Variants in SLCO1B1 observed in about 807,000 individuals in gnomAD.
SLCO1B1 encodes OATP-2.
SLCO1B1 carries 81 observed loss-of-function variants against 70.1 expected under a neutral mutation model. That is an observed-to-expected ratio of 1.16 (90% CI 0.97 to 1.39). SLCO1B1 has a LOEUF of 1.39. Ranked by LOEUF, SLCO1B1 falls within the 40% of genes most tolerant of loss-of-function variation. The pLI is 0.00. For missense variants in SLCO1B1, 895 were observed against 799.6 expected, an observed-to-expected ratio of 1.12 and a Z score of -1.44; for synonymous variants, 283 against 271.5, an observed-to-expected ratio of 1.04 and a Z score of -0.42.
intron 14 of SLCO1B1, among the ~76,000 whole-genome samples, chr12:21,236,062 T>C (rs1228284912): frequency 6.6e-6 from 1 of 152,188 alleles, no homozygotes; most frequent in Non-Finnish European, 1.5e-5. Flanking sequence ...TATCTCATAC[T>C]ATAGTATGTT....
At chr12:21,164,218 G>A (rs1406297875) in intron 2 of SLCO1B1, among the ~76,000 whole-genome samples, 1 of 152,074 alleles carries the variant, frequency 6.6e-6, no homozygotes, top group Non-Finnish European at 1.5e-5. Flanking sequence ...CCTTAGTTGT[G>A]TCTACTGGGT....
At chr12:21,141,197 G>A (rs1017432410) in intron 1 of SLCO1B1, among the ~76,000 whole-genome samples, 9 of 151,920 alleles carry the variant, frequency 5.9e-5, no homozygotes, top group Non-Finnish European at 1.2e-4. Context: ...TAGGTGTGTA[G>A]AAAAGATAAT....
chr12:21,142,640 C>A (rs909037933), intron 2 of SLCO1B1, among the ~76,000 whole-genome samples: 3 of 151,898 alleles, frequency 2.0e-5, no homozygotes, highest in Non-Finnish European at 4.4e-5. Context: ...ACTGATAAAG[C>A]CTTCTCTGAT....
intron 5 of SLCO1B1, among the ~76,000 whole-genome samples, chr12:21,178,347 A>G (rs1185282275): frequency 6.6e-6 from 1 of 152,182 alleles, no homozygotes; most frequent in Non-Finnish European, 1.5e-5. Context: ...CTATGAGTCC[A>G]TTAGACCCTT....
At chr12:21,211,979 T>G (rs544492263) in intron 11 of SLCO1B1, among the ~76,000 whole-genome samples, 13 of 150,088 alleles carry the variant, frequency 8.7e-5, no homozygotes, top group Non-Finnish European at 1.9e-4. Flanking sequence ...TTGCTAGCGG[T>G]CTATCAATTT....
At chr12:21,136,857 T>A (rs1338073513) in intron 1 of SLCO1B1, among the ~76,000 whole-genome samples, 4 of 152,214 alleles carry the variant, frequency 2.6e-5, no homozygotes, top group African/African-American at 9.6e-5. Context: ...CATCCAGCTT[T>A]GTTCCGTTGC....
chr12:21,212,398 T>C (rs1395669640), intron 11 of SLCO1B1, among the ~76,000 whole-genome samples: 1 of 125,952 alleles, frequency 7.9e-6, no homozygotes, highest in Non-Finnish European at 1.6e-5. Context: ...TAATCCTGAG[T>C]TCTAGTTTGA....
chr12:21,200,682 A>G lies in SLCO1B1; in HGVS notation c.1135+10A>G. On this transcript the variant is annotated intron_variant, in intron 9 of 14. Coordinates refer to ENST00000256958, the MANE Select transcript of SLCO1B1 (RefSeq NM_006446.5). ...GCTAACATCTTATTGGGTAAGACATATTTTTTACTTGTGTGCTTAATAAGT... is the reference window on the plus strand; with the variant it reads ...GCTAACATCTTATTGGGTAAGACATGTTTTTTACTTGTGTGCTTAATAAGT... The G allele has an allele frequency of 6.2e-7, 1 of 1,609,140 alleles. No homozygotes were observed. Among genetic ancestry groups the G allele is most frequent in the Admixed American group, 1.7e-5 (1 of 59,676 alleles).
Position 21,147,863 on chromosome 12 carries a change from T to A in SLCO1B1, c.84+6205T>A, listed in dbSNP as rs183202471. Reference sequence around the variant, plus strand: ...AGCATTCCTATTTCTCCACATCCTCTCCAGCATCTGTTGTTTCCTGACTTT... The same window carrying A: ...AGCATTCCTATTTCTCCACATCCTCACCAGCATCTGTTGTTTCCTGACTTT... On this transcript the variant is annotated intron_variant, in intron 2 of 14. Coordinates refer to ENST00000256958, the MANE Select transcript of SLCO1B1 (RefSeq NM_006446.5). Among the ~76,000 whole-genome samples the A allele has an allele frequency of 1.2e-4, 18 of 152,312 alleles. No individual in the cohort carries two copies. The East Asian group carries it at 3.5e-3, about 29-fold the overall frequency.
At chr12:21,181,303 C>A (rs545259110) in intron 7 of SLCO1B1, among the ~76,000 whole-genome samples, 1 of 152,122 alleles carries the variant, frequency 6.6e-6, no homozygotes, top group South Asian at 2.1e-4. Context: ...CGATTATGAC[C>A]CTTAGTTACT....
At chr12:21,221,556 C>CA (rs1337152558) in intron 12 of SLCO1B1, among the ~76,000 whole-genome samples, 1 of 151,684 alleles carries the variant, frequency 6.6e-6, no homozygotes, top group Non-Finnish European at 1.5e-5. Context: ...ATAAGAAATA[C>CA]AAAAAAACTC....
intron 2 of SLCO1B1, among the ~76,000 whole-genome samples, chr12:21,167,904 C>T (rs1413714069): frequency 4.6e-5 from 7 of 151,064 alleles, no homozygotes; most frequent in African/African-American, 1.5e-4. Context: ...GCAACCGCCG[C>T]CTCCTGGGTT....
At chr12:21,167,600 T>C (rs911112291) in intron 2 of SLCO1B1, among the ~76,000 whole-genome samples, 12 of 152,096 alleles carry the variant, frequency 7.9e-5, no homozygotes, top group Non-Finnish European at 1.5e-4. Context: ...CACATAACAT[T>C]AAATGTACCT....
intron 9 of SLCO1B1, among the ~76,000 whole-genome samples, chr12:21,202,144 G>T (rs1335879971): frequency 1.3e-5 from 2 of 152,116 alleles, no homozygotes; most frequent in Non-Finnish European, 2.9e-5. Flanking sequence ...CCACTCATAA[G>T]TGGGAGTTGA....
At chr12:21,197,813 G>A (rs1043692273) in intron 8 of SLCO1B1, among the ~76,000 whole-genome samples, 3 of 152,106 alleles carry the variant, frequency 2.0e-5, no homozygotes, top group African/African-American at 7.2e-5. Context: ...TGGAAGCAAA[G>A]GTGGTAGTTA....
chr12:21,153,060 T>C (rs1460381943), intron 2 of SLCO1B1, among the ~76,000 whole-genome samples: 1 of 152,220 alleles, frequency 6.6e-6, no homozygotes, highest in Non-Finnish European at 1.5e-5. Flanking sequence ...CATGAGTCTC[T>C]ACTGCTATAA....
rs995253019 is a variant in SLCO1B1, at chr12:21,139,265, T to A, written c.-61-2249T>A. On this transcript the variant is annotated intron_variant, in intron 1 of 14. Coordinates refer to ENST00000256958, the MANE Select transcript of SLCO1B1 (RefSeq NM_006446.5). ...ACAGATATTCATGGAAAAAATGGGG[T>A]GAAATTAATCAAAGGGCAGCTTATT... Among the ~76,000 whole-genome samples, 22 of 152,112 alleles carry A rather than the reference T, an allele frequency of 1.4e-4. No individual in the cohort carries two copies. The East Asian group carries it at 2.5e-3, about 17-fold the overall frequency.
intron 14 of SLCO1B1, among the ~76,000 whole-genome samples, chr12:21,234,201 G>T (rs1941572786): frequency 6.6e-6 from 1 of 152,080 alleles, no homozygotes; most frequent in Admixed American, 6.5e-5. Flanking sequence ...AGTTGATACT[G>T]TCCTCTCGTG....
chr12:21,174,864 A>G lies in SLCO1B1; in HGVS notation c.359+155A>G, dbSNP rs146177262. Among the ~76,000 whole-genome samples, 574 of 152,322 alleles carry G rather than the reference A, an allele frequency of 3.8e-3. 7 individuals carry two copies. The highest frequency in any genetic ancestry group is 0.013 in the African/African-American group (533 of 41,582). On this transcript the variant is annotated intron_variant, in intron 4 of 14. Transcript: ENST00000256958. ...AATGAAATAGTGTCTATTTGTCTAC[A>G]TAATCATTTTATTTATCGTAGCTTT...
Sources: gnomAD v4.1 joint callset for allele counts (sites outside exome capture counted in the v4.1 genomes callset) on GRCh38, gnomAD v4.1.1 for gene constraint, MANE v1.5 for transcripts, NCBI Gene and HGNC (gene_info 2026-07-23, HGNC 2026-07-21) for gene names.